Variants in SNTG2 observed in about 807,000 individuals in gnomAD.
SNTG2 encodes syntrophin gamma 2.
Under a neutral mutation model 70.9 loss-of-function variants are expected in SNTG2, and 74 were observed. That is an observed-to-expected ratio of 1.04 (90% CI 0.86 to 1.27). The LOEUF is 1.27. Among genes scored for constraint, SNTG2 ranks in the 50% most tolerant of loss-of-function variants. SNTG2 has a pLI of 0.00. For missense variants in SNTG2, 717 were observed against 690.7 expected (o/e 1.04, Z -0.43); for synonymous variants, 278 against 273.8 (o/e 1.02, Z -0.15).
chr2:1,309,453 C>G (rs1680872442), intron 15 of SNTG2, among the ~76,000 whole-genome samples: 1 of 152,250 alleles, frequency 6.6e-6, no homozygotes, highest in Non-Finnish European at 1.5e-5. Flanking sequence ...CAGGGTCTCC[C>G]AAACTGGTGG....
intron 8 of SNTG2, among the ~76,000 whole-genome samples, chr2:1,187,318 C>T (rs565065105): frequency 6.6e-6 from 1 of 152,282 alleles, no homozygotes; most frequent in East Asian, 1.9e-4. Flanking sequence ...ATGAGATTAA[C>T]AGATCAGTGC....
At chr2:1,164,753 G>A (rs1670593400) in intron 6 of SNTG2, among the ~76,000 whole-genome samples, 1 of 151,958 alleles carries the variant, frequency 6.6e-6, no homozygotes, top group Non-Finnish European at 1.5e-5. Context: ...ACCTGGCCTA[G>A]GAGGATGAAG....
intron 15 of SNTG2, among the ~76,000 whole-genome samples, chr2:1,312,232 AG>A (rs1366672134): frequency 6.6e-6 from 1 of 152,146 alleles, no homozygotes; most frequent in Non-Finnish European, 1.5e-5. Context: ...TTTTAATTAA[AG>A]AGGATAAACT....
At chr2:1,124,490 G>T (rs1389540377) in intron 4 of SNTG2, among the ~76,000 whole-genome samples, 2 of 151,904 alleles carry the variant, frequency 1.3e-5, no homozygotes, top group Non-Finnish European at 2.9e-5. Context: ...TAGAGACGGG[G>T]TTTCATTGTG....
intron 8 of SNTG2, among the ~76,000 whole-genome samples, chr2:1,202,179 A>G (rs1021660705): frequency 1.3e-5 from 2 of 152,142 alleles, no homozygotes; most frequent in Admixed American, 6.5e-5. Context: ...TCCAATATAA[A>G]CTGTTTCTTT....
At chr2:1,101,138 G>A (rs1184980482) in intron 4 of SNTG2, among the ~76,000 whole-genome samples, 2 of 152,092 alleles carry the variant, frequency 1.3e-5, no homozygotes, top group Admixed American at 6.5e-5. Flanking sequence ...AGGTCCCCAC[G>A]CTCCTCCCAG....
intron 1 of SNTG2, among the ~76,000 whole-genome samples, chr2:965,184 C>CT (rs1285279750): frequency 1.9e-5 from 2 of 102,894 alleles, no homozygotes; most frequent in Admixed American, 1.1e-4. Flanking sequence ...AATCCTCCTC[C>CT]TGGTCCCCAG....
intron 1 of SNTG2, among the ~76,000 whole-genome samples, chr2:1,019,998 G>A (rs1198012762): frequency 1.3e-5 from 2 of 152,162 alleles, no homozygotes; most frequent in Non-Finnish European, 2.9e-5. Context: ...AGCTGAGATC[G>A]TGCCACTGCA....
chr2:1,055,914 G>A (rs2148094673), intron 1 of SNTG2, among the ~76,000 whole-genome samples: 1 of 152,294 alleles, frequency 6.6e-6, no homozygotes, highest in East Asian at 1.9e-4. Context: ...ATTAGCCCTT[G>A]CCCAGACAGA....
At chr2:992,202 G>C (rs1661520529) in intron 1 of SNTG2, among the ~76,000 whole-genome samples, 1 of 151,846 alleles carries the variant, frequency 6.6e-6, no homozygotes, top group Non-Finnish European at 1.5e-5. Context: ...AAGCAAAAAG[G>C]TACATTCACA....
At chr2:1,083,682 T>A in intron 2 of SNTG2, 27 bp downstream of exon 2, 1 of 1,613,078 alleles carries the variant, frequency 6.2e-7, no homozygotes, top group African/African-American at 1.3e-5. Context: ...CAGGGAAGTC[T>A]TGGAGTGTTT....
In SNTG2 at chr2:1,098,200, G is replaced by T; in HGVS notation, c.215G>T (p.Arg72Ile). Residue 72 changes from arginine (R) to isoleucine (I), a missense_variant, in exon 3 of 17, where the codon AGA becomes ATA. Transcript: ENST00000308624. ...GTTTTCTAAAATGTTTTAAAGCGCAGAACTGTTACACTCCGCAGACAGCCA... is the reference window on the plus strand; with the variant it reads ...GTTTTCTAAAATGTTTTAAAGCGCATAACTGTTACACTCCGCAGACAGCCA... ...VGGSHQGRNR[R>I]TVTLRRQPVG... 1 of 1,613,998 alleles carries T rather than the reference G, an allele frequency of 6.2e-7. No individual in the cohort carries two copies. Among genetic ancestry groups the T allele is most frequent in the Non-Finnish European group, 8.5e-7 (1 of 1,179,892 alleles).
intron 4 of SNTG2, among the ~76,000 whole-genome samples, chr2:1,109,770 T>G (rs1215739777): frequency 6.6e-6 from 1 of 152,250 alleles, no homozygotes; most frequent in Admixed American, 6.5e-5. Context: ...TAAGAATTTA[T>G]CTGTAAGATA....
chr2:1,187,834 T>C (rs1341571123), intron 8 of SNTG2, among the ~76,000 whole-genome samples: 2 of 152,218 alleles, frequency 1.3e-5, no homozygotes, highest in Non-Finnish European at 2.9e-5. Flanking sequence ...GAAAAATAAC[T>C]GTTGAGCTAT....
chr2:1,115,755 C>T (rs536775058), intron 4 of SNTG2, among the ~76,000 whole-genome samples: 45 of 143,550 alleles, frequency 3.1e-4, no homozygotes, highest in Non-Finnish European at 4.8e-4. Context: ...TGAGAAGGAT[C>T]GTGTGTACTA....
At chr2:1,098,658 T>TC (rs1041503110) in intron 4 of SNTG2, among the ~76,000 whole-genome samples, 112 of 152,298 alleles carry the variant, frequency 7.4e-4, no homozygotes, top group Middle Eastern at 6.8e-3. Flanking sequence ...TATCAGGTTA[T>TC]CCCCCCTCTA....
At chr2:1,306,423 A>G (rs533586713) in intron 14 of SNTG2, among the ~76,000 whole-genome samples, 2 of 152,318 alleles carry the variant, frequency 1.3e-5, no homozygotes, top group East Asian at 3.9e-4. Flanking sequence ...GGAAAGGTTG[A>G]CAGGCATGAA....
chr2:1,224,100 C>G (rs1446484715), intron 9 of SNTG2, among the ~76,000 whole-genome samples: 3 of 152,190 alleles, frequency 2.0e-5, no homozygotes, highest in Admixed American at 2.0e-4. Context: ...TCCCTGCGGC[C>G]TCTTCTGTAA....
intron 4 of SNTG2, among the ~76,000 whole-genome samples, chr2:1,129,401 A>G (rs1667888087): frequency 1.3e-5 from 2 of 152,236 alleles, no homozygotes; most frequent in Admixed American, 6.5e-5. Flanking sequence ...ATAAAGGTCT[A>G]TATCATTATT....
Sources: allele counts gnomAD v4.1 joint callset (sites outside exome capture counted in the v4.1 genomes callset), GRCh38; gene constraint gnomAD v4.1.1; transcripts MANE v1.5; gene names NCBI Gene and HGNC (gene_info 2026-07-23, HGNC 2026-07-21).